The following SUB1 variants were observed in gnomAD, a reference collection of about 807,000 sequenced individuals.
SUB1 encodes SUB1 regulator of transcription.
Under a neutral mutation model 16.9 loss-of-function variants are expected in SUB1, and 1 was observed. The observed-to-expected ratio is 0.06, with a 90% CI of 0.02 to 0.28. The LOEUF is 0.28. SUB1 is among the 10% of genes least tolerant of loss of function. SUB1 has a pLI of 1.00. For synonymous variants in SUB1, 51 were observed against 46.9 expected (o/e 1.09, Z -0.36); for missense variants, 84 against 145.2 (o/e 0.58, Z 2.16).
At chr5:32,590,830 C>T (rs1326440582) in intron 2 of SUB1, among the ~76,000 whole-genome samples, 4 of 131,978 alleles carry the variant, frequency 3.0e-5, no homozygotes, top group South Asian at 2.6e-4. Context: ...TGCAATGGCA[C>T]GATCTCGGCT....
rs1314884430 is a variant in SUB1 at position 32,602,163 on chromosome 5, G to A, written c.*1079G>A. The A allele has an allele frequency of 6.7e-6, 3 of 450,856 alleles. No homozygotes were observed. Among genetic ancestry groups the A allele is most frequent in the South Asian group, 4.7e-5 (3 of 63,466 alleles). 27.9% of individuals were successfully genotyped at this position (450,856 alleles called of 1,614,324 possible). ...TGATACTAAGTTTTAGCAGACACTA[G>A]TAAGTGGTTTGTATTTAACCATACT... On this transcript the variant is annotated 3_prime_UTR_variant, in exon 5 of 5. Coordinates refer to ENST00000265073, the MANE Select transcript of SUB1 (RefSeq NM_006713.4).
rs1214283476 is a variant in SUB1 at position 32,586,141 on chromosome 5, C to T, written c.-2+516C>T. 2.6e-5 allele frequency: 4 copies of T among 152,370 alleles called. No individual in the cohort carries two copies. In the South Asian group the frequency reaches 8.3e-4, roughly 32 times the overall value. 9.4% of individuals were successfully genotyped at this position (152,370 alleles called of 1,614,324 possible). ...AATGGCGCTTGGTGCAAATCCCGCC[C>T]CTTCCCACGCCGTCTTCTCCGCACT... On this transcript the variant is annotated intron_variant, in intron 1 of 4. Transcript: ENST00000265073.
At chr5:32,598,464 G>C (rs1381149871) in intron 3 of SUB1, 3 of 152,190 alleles carry the variant, frequency 2.0e-5, no homozygotes, top group Admixed American at 6.5e-5. Context: ...GTTTTAAGCA[G>C]ATACTTGTAA....
intron 3 of SUB1, chr5:32,598,100 T>TA (rs1390810976): frequency 2.0e-5 from 3 of 152,084 alleles, no homozygotes; most frequent in Non-Finnish European, 4.4e-5. Flanking sequence ...ATTTTAAAAT[T>TA]AAAGACAGGA....
intron 3 of SUB1, chr5:32,597,987 C>A (rs1429282475): frequency 6.6e-6 from 1 of 152,154 alleles, no homozygotes; most frequent in African/African-American, 2.4e-5. Flanking sequence ...TAAAATATGT[C>A]ATCTGTTAGA....
At chr5:32,600,703 G>A (rs146904480) in intron 4 of SUB1, among the ~76,000 whole-genome samples, 3 of 151,442 alleles carry the variant, frequency 2.0e-5, no homozygotes, top group African/African-American at 7.3e-5. Context: ...TCCCAGGTTC[G>A]AGCAATTCTC....
rs142178882 is a variant in SUB1 at position 32,589,643 on chromosome 5, G to A, written c.72+1059G>A. The stretch of plus-strand genomic sequence containing the variant: ...GCATCTCAGTGGAGCATAACTGAGC[G>A]TCTCACTCTGCGGTCAAGTCTTCCG... On this transcript the variant is annotated intron_variant, in intron 2 of 4. Coordinates refer to ENST00000265073, the MANE Select transcript of SUB1 (RefSeq NM_006713.4). 6.2e-4 allele frequency among the ~76,000 whole-genome samples: 95 copies of A among 152,282 alleles called. 1 individual carries two copies. In the Middle Eastern group the frequency reaches 0.017, roughly 27 times the overall value.
At chr5:32,600,927 C>T in intron 4 of SUB1, 78 bp from the exon 5 acceptor site, 1 of 1,363,538 alleles carries the variant, frequency 7.3e-7, no homozygotes, top group Non-Finnish European at 1.0e-6. Context: ...TTTGATAAAA[C>T]AGTATTCTAG....
rs913101351 is a variant in SUB1 at position 32,586,993 on chromosome 5, AT to A, written c.-2+1377del. Among the ~76,000 whole-genome samples, 162 of 151,632 alleles carry A rather than the reference AT, an allele frequency of 1.1e-3. 1 individual carries two copies. The highest frequency in any genetic ancestry group is 3.3e-3 in the African/African-American group (137 of 41,356). ...CATCTAGAGAGCTAGATTATTTATG[AT>A]TTTTTTTTAAGGAGGAATTTTAAGT... On this transcript the variant is annotated intron_variant, in intron 1 of 4. Coordinates refer to ENST00000265073, the MANE Select transcript of SUB1 (RefSeq NM_006713.4).
intron 2 of SUB1, among the ~76,000 whole-genome samples, chr5:32,590,683 C>T (rs779953234): frequency 1.3e-5 from 2 of 149,762 alleles, no homozygotes; most frequent in Non-Finnish European, 1.5e-5. Context: ...GCAACCTTCG[C>T]GTCCCGGGTT....
At chr5:32,585,659 G>A (rs1228815979) in intron 1 of SUB1, 34 bp downstream of exon 1, 1 of 152,272 alleles carries the variant, frequency 6.6e-6, no homozygotes, top group South Asian at 2.1e-4. Flanking sequence ...CCTACTCCTC[G>A]GGGCCCCCAC....
At chr5:32,586,872 C>A (rs1738684748) in intron 1 of SUB1, among the ~76,000 whole-genome samples, 1 of 152,144 alleles carries the variant, frequency 6.6e-6, no homozygotes, top group African/African-American at 2.4e-5. Context: ...TCAGATTGAG[C>A]TTTTTGAATT....
chr5:32,601,049 AT>A lies in SUB1; in HGVS notation c.352del (p.Ser118LeufsTer7). On this transcript the variant is annotated frameshift_variant, in exon 5 of 5. Transcript: ENST00000265073. LOFTEE classifies it high-confidence loss of function. ...ACAATGGAGCCAGCTGAAGGAACAG[AT>A]TTCTGACATTGATGATGCAGTAAGA... ...PEQWSQLKEQ[I>X]SDIDDAVRKL 1 of 1,612,152 alleles carries A rather than the reference AT, an allele frequency of 6.2e-7. No individual in the cohort carries two copies. The highest frequency in any genetic ancestry group is 8.5e-7 in the Non-Finnish European group (1 of 1,179,778).
At position 32,603,765 on chromosome 5, in the gene SUB1, A is replaced by G. The variant is rs1339791151; in HGVS notation, c.*2681A>G. On this transcript the variant is annotated 3_prime_UTR_variant, in exon 5 of 5. Transcript: ENST00000265073. The stretch of plus-strand genomic sequence containing the variant: ...CAGTATTAAGTGTTCCTCACAGGAG[A>G]TATGTTAGCAGAATACTATAAAAGT... 6.6e-6 allele frequency: 1 copy of G among 152,192 alleles called. No homozygotes were observed. The highest frequency in any genetic ancestry group is 2.4e-5 in the African/African-American group (1 of 41,452). The allele number at this position is 152,192 out of a possible 1,614,324, so 9.4% of individuals were successfully genotyped here. A position where few individuals can be genotyped will look rare whatever the true frequency, so the allele number is the denominator to read the frequency against.
intron 2 of SUB1, 88 bp from the exon 3 acceptor site, chr5:32,591,475 G>A: frequency 2.1e-6 from 3 of 1,444,016 alleles, no homozygotes; most frequent in Non-Finnish European, 9.1e-7. Flanking sequence ...TCTTTTGATT[G>A]TTTAAATCTT....
rs760911183 is a variant in SUB1 at position 32,603,489 on chromosome 5, G to C, written c.*2405G>C. ...TTTCCTCTTCGTTTTTAAAATGTGAGTAGCATTTGACCAATTTCCAGTGCT... is the reference window on the plus strand; with the variant it reads ...TTTCCTCTTCGTTTTTAAAATGTGACTAGCATTTGACCAATTTCCAGTGCT... On this transcript the variant is annotated 3_prime_UTR_variant, in exon 5 of 5. Coordinates refer to ENST00000265073, the MANE Select transcript of SUB1 (RefSeq NM_006713.4). The C allele has an allele frequency of 5.3e-5, 8 of 152,092 alleles. No individual in the cohort carries two copies. The highest frequency in any genetic ancestry group is 7.4e-5 in the Non-Finnish European group (5 of 67,998). The allele number at this position is 152,092 out of a possible 1,614,324, so 9.4% of individuals were successfully genotyped here. A position where few individuals can be genotyped will look rare whatever the true frequency, so the allele number is the denominator to read the frequency against.
intron 3 of SUB1, chr5:32,596,159 G>A (rs1016663145): frequency 1.3e-5 from 2 of 152,138 alleles, no homozygotes; most frequent in Non-Finnish European, 2.9e-5. Flanking sequence ...ACAGAATAAG[G>A]GGGGACTGGC....
Position 32,602,248 on chromosome 5 carries a change from G to C in SUB1, c.*1164G>C. 1 of 454,898 alleles carries C rather than the reference G, an allele frequency of 2.2e-6. No individual in the cohort carries two copies. The highest frequency in any genetic ancestry group is 2.0e-5 in the African/African-American group (1 of 50,124). The allele number at this position is 454,898 out of a possible 1,614,324, so 28.2% of individuals were successfully genotyped here. On this transcript the variant is annotated 3_prime_UTR_variant, in exon 5 of 5. Transcript: ENST00000265073. ...GGCTTTGTGGCAATAAATAGGGCAT[G>C]GTGTGCCTTAGGAAAAGAATGTTTA...
chr5:32,590,498 T>A (rs1405243433), intron 2 of SUB1, among the ~76,000 whole-genome samples: 1 of 151,916 alleles, frequency 6.6e-6, no homozygotes, highest in African/African-American at 2.4e-5. Context: ...ACAATGATTT[T>A]TTTTTTTTTT....
Sources: allele counts gnomAD v4.1 joint callset (sites outside exome capture counted in the v4.1 genomes callset), GRCh38; gene constraint gnomAD v4.1.1; transcripts MANE v1.5; gene names NCBI Gene and HGNC (gene_info 2026-07-23, HGNC 2026-07-21).